The following NRXN1 variants were observed in gnomAD, a reference collection of about 807,000 sequenced individuals.
NRXN1 encodes the protein neurexin 1.
A neutral mutation model predicts 150.9 loss-of-function variants in NRXN1; 39 were observed. The ratio of observed to expected loss-of-function variants is 0.26; its 90% CI spans 0.20 to 0.34. NRXN1 has a LOEUF of 0.34. Ranked by LOEUF, NRXN1 falls within the 10% of genes least tolerant of loss-of-function variation. NRXN1 has a pLI of 1.00. For synonymous variants in NRXN1, 924 were observed against 757.0 expected, an observed-to-expected ratio of 1.22 and a Z score of -3.62; for missense variants, 1,815 against 1,949.9, an observed-to-expected ratio of 0.93 and a Z score of 1.30.
chr2:50,562,738 T>C (rs1013388446), intron 8 of NRXN1, among the ~76,000 whole-genome samples: 2 of 152,122 alleles, frequency 1.3e-5, no homozygotes, highest in African/African-American at 2.4e-5. Flanking sequence ...AATTTTTAAA[T>C]AATTATTTTT....
chr2:50,612,094 C>A (rs1409341859), intron 8 of NRXN1, among the ~76,000 whole-genome samples: 2 of 152,092 alleles, frequency 1.3e-5, no homozygotes, highest in African/African-American at 4.8e-5. Context: ...GTGGCAGTTA[C>A]GGGCAAGGAT....
chr2:50,381,289 G>T (rs550387952), intron 17 of NRXN1, among the ~76,000 whole-genome samples: 12 of 152,064 alleles, frequency 7.9e-5, no homozygotes, highest in Non-Finnish European at 1.5e-4. Context: ...AAATGAAGTA[G>T]TAGTCTCATC....
chr2:50,410,685 G>T (rs2083085194), intron 17 of NRXN1, among the ~76,000 whole-genome samples: 1 of 152,062 alleles, frequency 6.6e-6, no homozygotes, highest in South Asian at 2.1e-4. Flanking sequence ...GAAAAAAAAA[G>T]TATAAAAAAG....
At chr2:50,979,258 A>G (rs778484365) in intron 2 of NRXN1, 1 of 518,110 alleles carries the variant, frequency 1.9e-6, no homozygotes, top group Non-Finnish European at 3.9e-6. Flanking sequence ...AGATAAACAG[A>G]TGCAATATTT....
chr2:50,419,018 A>G (rs368840567), intron 17 of NRXN1, among the ~76,000 whole-genome samples: 1 of 152,054 alleles, frequency 6.6e-6, no homozygotes, highest in Admixed American at 6.6e-5. Context: ...TTTCAAATCA[A>G]TTCCATAAGT....
At chr2:50,883,751 A>C (rs139565971) in intron 5 of NRXN1, among the ~76,000 whole-genome samples, 2 of 151,988 alleles carry the variant, frequency 1.3e-5, no homozygotes, top group East Asian at 3.9e-4. Context: ...TAAACAATAG[A>C]ATACTATACC....
In NRXN1 at chr2:50,738,938, T is replaced by C. The variant is rs1362834213; in HGVS notation, c.833-115323A>G. 2.6e-5 allele frequency among the ~76,000 whole-genome samples: 4 copies of C among 152,292 alleles called. No individual in the cohort carries two copies. In the South Asian group the frequency reaches 8.3e-4, roughly 32 times the overall value. ...ATTAGAATTGTCACCAGATCCATCCTGGATACATCACTAAGTGTCTCTAAG... is the reference window on the plus strand; with the variant it reads ...ATTAGAATTGTCACCAGATCCATCCCGGATACATCACTAAGTGTCTCTAAG... On this transcript the variant is annotated intron_variant, in intron 5 of 22. Coordinates refer to ENST00000401669, the MANE Select transcript of NRXN1 (RefSeq NM_001330078.2).
At chr2:50,501,400 A>AGTGTGTGTGT (rs368765670) in intron 13 of NRXN1, among the ~76,000 whole-genome samples, 6,636 of 148,226 alleles carry the variant, frequency 0.045, 225 homozygotes, top group South Asian at 0.072. Flanking sequence ...TGTGTGTGTG[A>AGTGTGTGTGT]GTGTGTGTGT....
intron 5 of NRXN1, among the ~76,000 whole-genome samples, chr2:50,660,919 A>G (rs1176629586): frequency 2.0e-5 from 3 of 152,022 alleles, no homozygotes; most frequent in African/African-American, 4.8e-5. Context: ...AAAATTCACA[A>G]TCTTATTGTA....
rs551796965 is a variant in NRXN1 at position 50,053,983 on chromosome 2, T to G, written c.3809-393A>C. On this transcript the variant is annotated intron_variant, in intron 20 of 22. Coordinates refer to ENST00000401669, the MANE Select transcript of NRXN1 (RefSeq NM_001330078.2). ...TTCTGAAATTACCACTGACAGAAAC[T>G]AATACATAGCAGCTGAAATCTAATT... Among the ~76,000 whole-genome samples the G allele has an allele frequency of 1.1e-3, 167 of 152,306 alleles. 4 individuals carry two copies. Among genetic ancestry groups the G allele is most frequent in the Non-Finnish European group, 1.0e-4 (7 of 68,022 alleles).
intron 5 of NRXN1, among the ~76,000 whole-genome samples, chr2:50,731,870 T>C (rs1316347490): frequency 1.3e-5 from 2 of 152,168 alleles, no homozygotes; most frequent in Non-Finnish European, 2.9e-5. Flanking sequence ...GCATGCCTTG[T>C]TTTCGTTTGG....
chr2:50,538,390 T>G lies in NRXN1; in HGVS notation c.2006A>C (p.Lys669Thr). 6.2e-7 allele frequency: 1 copy of G among 1,614,010 alleles called. No homozygotes were observed. The highest frequency in any genetic ancestry group is 8.5e-7 in the Non-Finnish European group (1 of 1,179,884). ...MAEVQSTAGV[K>T]PSCSKETAKP... ...TGCTGTTTCCTTTGAGCAGGAAGGCTTCACTCCAGCAGTACTTTGAACTTC... is the reference window on the plus strand; with the variant it reads ...TGCTGTTTCCTTTGAGCAGGAAGGCGTCACTCCAGCAGTACTTTGAACTTC... The change falls in exon 10 of 23, where the codon AAG (lysine) becomes ACG (threonine). Residue 669 changes from lysine to threonine, a missense_variant. Physicochemically the swap from Lys to Thr is moderately conservative, Grantham distance 78. This residue lies in a region of NRXN1 where 638 missense variants were observed against 652.6 expected (regional missense o/e 0.98). Transcript: ENST00000401669.
intron 9 of NRXN1, among the ~76,000 whole-genome samples, chr2:50,548,998 A>G (rs895880820): frequency 1.3e-5 from 2 of 152,174 alleles, no homozygotes; most frequent in African/African-American, 2.4e-5. Context: ...TCTGTATGTC[A>G]GAAAGGAGCC....
intron 21 of NRXN1, among the ~76,000 whole-genome samples, chr2:50,021,988 C>T (rs1220479598): frequency 1.3e-5 from 2 of 152,164 alleles, no homozygotes; most frequent in Non-Finnish European, 2.9e-5. Flanking sequence ...GTAGCTGGGA[C>T]TACAGGTGTG....
intron 20 of NRXN1, among the ~76,000 whole-genome samples, chr2:50,054,338 A>G (rs1693267040): frequency 1.3e-5 from 2 of 152,178 alleles, no homozygotes; most frequent in Non-Finnish European, 2.9e-5. Context: ...TCAAACAGCA[A>G]TCCTTAATAA....
chr2:50,084,928 C>T (rs559061256), intron 19 of NRXN1, among the ~76,000 whole-genome samples: 2 of 152,288 alleles, frequency 1.3e-5, no homozygotes, highest in East Asian at 3.9e-4. Flanking sequence ...CAATATACTA[C>T]TTAATAAAAA....
chr2:50,483,519 T>A (rs573872887), intron 15 of NRXN1, among the ~76,000 whole-genome samples: 1 of 152,172 alleles, frequency 6.6e-6, no homozygotes, highest in Non-Finnish European at 1.5e-5. Context: ...TCAGGGCCCC[T>A]TTCTCGTAAC....
intron 5 of NRXN1, among the ~76,000 whole-genome samples, chr2:50,745,610 A>T (rs535044874): frequency 6.6e-6 from 1 of 152,140 alleles, no homozygotes; most frequent in South Asian, 2.1e-4. Context: ...TTTATAAAGG[A>T]AAGAGGTTTA....
intron 17 of NRXN1, among the ~76,000 whole-genome samples, chr2:50,344,953 C>T (rs1337929736): frequency 6.6e-6 from 1 of 152,250 alleles, no homozygotes; most frequent in East Asian, 1.9e-4. Context: ...TGCCTCCGTC[C>T]CTCAGGACTC....
Sources: allele counts gnomAD v4.1 joint callset (sites outside exome capture counted in the v4.1 genomes callset), GRCh38; gene constraint gnomAD v4.1.1; regional missense constraint gnomAD v4.1.1; transcripts MANE v1.5; gene names NCBI Gene and HGNC (gene_info 2026-07-23, HGNC 2026-07-21).